Variants in ANTXRL observed in about 807,000 individuals in gnomAD.
ANTXRL encodes ANTXR like.
ANTXRL carries 63 observed loss-of-function variants against 75.4 expected under a neutral mutation model. The ratio of observed to expected loss-of-function variants is 0.84; its 90% CI spans 0.68 to 1.03. ANTXRL has a LOEUF of 1.03. ANTXRL is among the 50% of genes least tolerant of loss of function. ANTXRL has a pLI of 0.00. For missense variants in ANTXRL, 797 were observed against 789.4 expected, an observed-to-expected ratio of 1.01 and a Z score of -0.12; for synonymous variants, 335 against 291.3, an observed-to-expected ratio of 1.15 and a Z score of -1.53.
chr10:46,318,953 G>T (rs1245972438), intron 16 of ANTXRL, among the ~76,000 whole-genome samples: 1 of 152,090 alleles, frequency 6.6e-6, no homozygotes, highest in Non-Finnish European at 1.5e-5. Flanking sequence ...CGGAACTGAG[G>T]TACAGTAACA....
chr10:46,293,290 G>GTGTGTGCC, intron 2 of ANTXRL, among the ~76,000 whole-genome samples: 1 of 47,754 alleles, frequency 2.1e-5, no homozygotes, highest in Middle Eastern at 0.013. Flanking sequence ...GAGTGTGTGC[G>GTGTGTGCC]TGTGTGCCTG....
rs147455311 is a variant in ANTXRL, at chr10:46,329,845, C to T, written c.1657C>T (p.Pro553Ser). The T allele has an allele frequency of 3.4e-3, 5,160 of 1,535,634 alleles. 19 individuals are homozygous for T. Among genetic ancestry groups the T allele is most frequent in the Non-Finnish European group, 4.1e-3 (4,650 of 1,146,714 alleles). ...CLARKQAPCSPRICLRHSPEY... is the reference protein window; with the variant it reads ...CLARKQAPCSSRICLRHSPEY... ...TGCCCGCAAACAGGCTCCCTGCAGCCCAAGGATCTGCCTGAGACACAGCCC... is the reference window on the plus strand; with the variant it reads ...TGCCCGCAAACAGGCTCCCTGCAGCTCAAGGATCTGCCTGAGACACAGCCC... Residue 553 changes from proline to serine, a missense_variant, in exon 17 of 17, where the codon CCA (proline) becomes TCA (serine). Physicochemically the swap from Pro to Ser is moderately conservative, Grantham distance 74. Around this residue, in one of 3 missense-constraint regions of ANTXRL, gnomAD observed 479 missense variants for 422.0 expected, o/e 1.14. Coordinates refer to ENST00000620264, the MANE Select transcript of ANTXRL (RefSeq NM_001278688.3).
chr10:46,310,761 T>C (rs1279469074), intron 14 of ANTXRL, among the ~76,000 whole-genome samples: 1 of 152,092 alleles, frequency 6.6e-6, no homozygotes, highest in Non-Finnish European at 1.5e-5. Flanking sequence ...TGATGATCTG[T>C]CCTGAATAAA....
At chr10:46,327,744 ACCTGTGAGGAATGGAGCGTTT>A (rs1292839422) in intron 16 of ANTXRL, among the ~76,000 whole-genome samples, 1 of 152,102 alleles carries the variant, frequency 6.6e-6, no homozygotes, top group Non-Finnish European at 1.5e-5. Context: ...TCTGTGGAAC[ACCTGTGAGGAATGGAGCGTTT>A]CCTTGGGACC....
intron 16 of ANTXRL, among the ~76,000 whole-genome samples, chr10:46,316,136 A>T (rs1295045012): frequency 6.6e-6 from 1 of 152,146 alleles, no homozygotes; most frequent in Non-Finnish European, 1.5e-5. Context: ...TCAGGCTAAT[A>T]GTGTGAAACC....
chr10:46,324,427 G>C (rs1554966096), intron 16 of ANTXRL, among the ~76,000 whole-genome samples: 3 of 152,132 alleles, frequency 2.0e-5, no homozygotes. Flanking sequence ...GGAAATCTTG[G>C]TATTATAATC....
intron 3 of ANTXRL, among the ~76,000 whole-genome samples, chr10:46,295,109 G>C (rs1249747321): frequency 2.0e-5 from 3 of 152,170 alleles, no homozygotes; most frequent in Non-Finnish European, 2.9e-5. Flanking sequence ...CACAGCTGTC[G>C]GGGCTGCCTC....
intron 13 of ANTXRL, among the ~76,000 whole-genome samples, 159 bp downstream of exon 13, chr10:46,309,361 G>A (rs552805153): frequency 1.6e-4 from 25 of 152,342 alleles, no homozygotes; most frequent in South Asian, 6.2e-4. Flanking sequence ...CTGTCCACAC[G>A]TTCCCAGAGC....
In ANTXRL at chr10:46,329,997, C is replaced by G; in HGVS notation, c.1809C>G (p.Pro603=). Residue 603 remains proline (P), a synonymous_variant, in exon 17 of 17, where the codon CCC becomes CCG. Transcript: ENST00000620264. ...RLPPARCLRP[P]SRMLPLLSPL... is the part of the protein sequence containing the mutation. ...CCCCAGCTAGGTGCTTGAGGCCTCC[C>G]TCCAGGATGCTGCCGCTGCTGTCCC... The G allele has an allele frequency of 6.5e-7, 1 of 1,535,618 alleles. No individual in the cohort carries two copies. Among genetic ancestry groups the G allele is most frequent in the East Asian group, 2.4e-5 (1 of 40,898 alleles).
chr10:46,286,704 G>A (rs1836780309), upstream of ANTXRL, among the ~76,000 whole-genome samples: 1 of 152,106 alleles, frequency 6.6e-6, no homozygotes, highest in Non-Finnish European at 1.5e-5. Flanking sequence ...ATCTCCTGGG[G>A]GACTTCAGTG....
chr10:46,286,991 G>C, upstream of ANTXRL: 1 of 521,388 alleles, frequency 1.9e-6, no homozygotes, highest in Non-Finnish European at 3.4e-6. Context: ...CAACCTTCCT[G>C]TCAACCATAA....
intron 5 of ANTXRL, 111 bp from the exon 6 acceptor site, chr10:46,297,141 T>C: frequency 1.1e-6 from 1 of 881,168 alleles, no homozygotes; most frequent in Non-Finnish European, 1.7e-6. Flanking sequence ...CACGTGGCCA[T>C]GCCCTGGAGT....
chr10:46,323,926 C>T (rs1307239567), intron 16 of ANTXRL, among the ~76,000 whole-genome samples: 3 of 152,102 alleles, frequency 2.0e-5, no homozygotes, highest in Admixed American at 6.6e-5. Flanking sequence ...TCCTCAATAT[C>T]CTGTGAGTCC....
chr10:46,313,111 G>A (rs1278843778), intron 15 of ANTXRL, 125 bp from the exon 16 acceptor site: 2 of 870,930 alleles, frequency 2.3e-6, no homozygotes, highest in African/African-American at 3.3e-5. Context: ...CTCCCCCAGA[G>A]GGGGATGGGA....
At chr10:46,288,682 GC>G (rs1166767401) in intron 1 of ANTXRL, among the ~76,000 whole-genome samples, 1 of 152,142 alleles carries the variant, frequency 6.6e-6, no homozygotes, top group Non-Finnish European at 1.5e-5. Context: ...TTTTCACCTT[GC>G]CAAGTGTGAT....
At chr10:46,300,096 T>G (rs1245161328) in intron 9 of ANTXRL, among the ~76,000 whole-genome samples, 3 of 152,162 alleles carry the variant, frequency 2.0e-5, no homozygotes, top group Non-Finnish European at 4.4e-5. Flanking sequence ...GATGTGAGTC[T>G]TCACTCCTCC....
intron 1 of ANTXRL, 72 bp from the exon 2 acceptor site, chr10:46,291,986 G>A: frequency 7.1e-7 from 1 of 1,404,078 alleles, no homozygotes; most frequent in Non-Finnish European, 9.7e-7. Flanking sequence ...CTGGGAGGCT[G>A]GGGGCGGGGC....
intron 16 of ANTXRL, among the ~76,000 whole-genome samples, chr10:46,326,264 G>A (rs568146283): frequency 5.5e-4 from 83 of 152,144 alleles, no homozygotes; most frequent in African/African-American, 2.0e-3. Context: ...ACCCAGCACT[G>A]GTGTTAGGGA....
intron 8 of ANTXRL, 32 bp from the exon 9 acceptor site, chr10:46,297,970 C>G (rs782143833): frequency 6.5e-7 from 1 of 1,535,592 alleles, no homozygotes; most frequent in African/African-American, 1.4e-5. Context: ...AGCTCACTCT[C>G]CCTGTCCCGC....
Sources: allele counts gnomAD v4.1 joint callset (sites outside exome capture counted in the v4.1 genomes callset), GRCh38; gene constraint gnomAD v4.1.1; regional missense constraint gnomAD v4.1.1; transcripts MANE v1.5; gene names NCBI Gene and HGNC (gene_info 2026-07-23, HGNC 2026-07-21).